ENAH: variants seen among roughly 807,000 people sequenced by gnomAD.
The protein encoded by ENAH is protein enabled homolog.
Under a neutral mutation model 78.7 loss-of-function variants are expected in ENAH, and 23 were observed. The observed-to-expected ratio is 0.29, with a 90% confidence interval of 0.21 to 0.41. The LOEUF (loss-of-function observed/expected upper bound fraction) is 0.41, where lower values mean the gene tolerates loss of function less well. ENAH is among the 10% of genes least tolerant of loss of function. The pLI is 1.00. For synonymous variants in ENAH, 226 were observed against 241.0 expected, an observed-to-expected ratio of 0.94 and a Z score of 0.58; for missense variants, 544 against 691.0, an observed-to-expected ratio of 0.79 and a Z score of 2.39.
At chr1:225,524,811 C>T (rs1476333792) in intron 4 of ENAH, 2 of 312,176 alleles carry the variant, frequency 6.4e-6, no homozygotes, top group Non-Finnish European at 9.3e-6. Flanking sequence ...ATAGGACTGA[C>T]TCATGTTTCT....
intron 1 of ENAH, among the ~76,000 whole-genome samples, chr1:225,645,295 A>G (rs929357963): frequency 2.0e-5 from 3 of 152,196 alleles, no homozygotes; most frequent in South Asian, 2.1e-4. Context: ...ATCATGGCAT[A>G]TATCGCCTTT....
chr1:225,521,266 A>G (rs1486285140), intron 4 of ENAH, among the ~76,000 whole-genome samples: 2 of 152,298 alleles, frequency 1.3e-5, no homozygotes, highest in Middle Eastern at 3.4e-3. Context: ...CAATAAGGAC[A>G]TAAATTTTGC....
Position 225,512,688 on chromosome 1 carries a change from G to C in ENAH, c.1391C>G (p.Thr464Arg). ...GTCCTCTTTTTGTTCTGTTTCTATTGTTGATCCCTTTTCAGCAATTCTTCT... is the reference window on the plus strand; with the variant it reads ...GTCCTCTTTTTGTTCTGTTTCTATTCTTGATCCCTTTTCAGCAATTCTTCT... ...RRRRIAEKGS[T>R]IETEQKEDKG... The change falls in exon 9 of 14, where the codon ACA becomes AGA. Residue 464 changes from threonine (T) to arginine (R), a missense_variant. By Grantham distance (71) the Thr-to-Arg change is moderately conservative (BLOSUM62 -1). Coordinates refer to ENST00000366843, the MANE Select transcript of ENAH (RefSeq NM_018212.6). 6.2e-7 allele frequency: 1 copy of C among 1,613,534 alleles called. No homozygotes were observed. The highest frequency in any genetic ancestry group is 8.5e-7 in the Non-Finnish European group (1 of 1,179,790).
chr1:225,499,823 AG>A (rs2096272024), intron 12 of ENAH, among the ~76,000 whole-genome samples: 2 of 152,252 alleles, frequency 1.3e-5, no homozygotes, highest in African/African-American at 4.8e-5. Context: ...TGAATACCCC[AG>A]GAAAAATTAA....
Position 225,499,529 on chromosome 1 carries a change from G to A in ENAH, c.1618-1125C>T, listed in dbSNP as rs542782013. ...TCTACAAAAACTACAAAAGTTAGCC[G>A]GGCGTGGTAGTGCACACCTGTAATC... is the stretch of plus-strand genomic sequence containing the variant. On this transcript the variant is annotated intron_variant, in intron 12 of 13. Transcript: ENST00000366843. Among the ~76,000 whole-genome samples the A allele has an allele frequency of 1.6e-4, 25 of 152,132 alleles. No homozygotes were observed. In the East Asian group the frequency reaches 4.3e-3, roughly 26 times the overall value.
intron 1 of ENAH, among the ~76,000 whole-genome samples, chr1:225,588,891 T>C (rs2096861369): frequency 6.6e-6 from 1 of 151,166 alleles, no homozygotes; most frequent in African/African-American, 2.4e-5. Context: ...TCAATTTCAA[T>C]GTTAGGTATT....
intron 1 of ENAH, chr1:225,652,271 T>C (rs1380050750): frequency 5.4e-6 from 5 of 920,448 alleles, no homozygotes; most frequent in Non-Finnish European, 6.5e-6. Context: ...ACACGAGAGT[T>C]CGGAGGCAAA....
In ENAH at chr1:225,649,426, A is replaced by G. The variant is rs188347984; in HGVS notation, c.5+3260T>C. Among the ~76,000 whole-genome samples the G allele has an allele frequency of 8.9e-3, 1,355 of 152,230 alleles. 10 individuals carry two copies. Among genetic ancestry groups the G allele is most frequent in the Non-Finnish European group, 0.014 (974 of 67,996 alleles). The stretch of plus-strand genomic sequence containing the variant: ...AAAAAAAAAAAATCTTAAGTAACAA[A>G]CCAACTAATTTTAAAAATGCACTTA... On this transcript the variant is annotated intron_variant, in intron 1 of 13. Transcript: ENST00000366843.
chr1:225,519,395 T>G lies in ENAH; in HGVS notation c.605A>C (p.Glu202Ala). 6.2e-7 allele frequency: 1 copy of G among 1,613,228 alleles called. No homozygotes were observed. ...CAGGCGTTCCTGCCGCTCCAGGCGT[T>G]CCTGCCGTTCCCGTTCTTGTCTCTC... The part of the protein sequence containing the change: ...ERERQERERQ[E>A]RLERQERLER... The change falls in exon 5 of 14, where the codon GAA becomes GCA. Residue 202 changes from glutamate (E) to alanine (A), a missense_variant. Transcript: ENST00000366843.
At chr1:225,564,042 T>C (rs906546814) in intron 2 of ENAH, among the ~76,000 whole-genome samples, 5 of 152,180 alleles carry the variant, frequency 3.3e-5, no homozygotes, top group East Asian at 1.9e-4. Context: ...TCAGTAACTA[T>C]AGTGGTATTC....
intron 1 of ENAH, among the ~76,000 whole-genome samples, chr1:225,574,294 A>T (rs2096777035): frequency 6.6e-6 from 1 of 152,162 alleles, no homozygotes; most frequent in Non-Finnish European, 1.5e-5. Context: ...AGTGGGCGAG[A>T]CCAGCTCAGT....
At chr1:225,593,810 A>AACAAGGTAGAATAC (rs2096889671) in intron 1 of ENAH, among the ~76,000 whole-genome samples, 1 of 152,236 alleles carries the variant, frequency 6.6e-6, no homozygotes, top group Admixed American at 6.5e-5. Context: ...AAAAGGTTAA[A>AACAAGGTAGAATAC]ACAAGGTAGA....
At chr1:225,576,191 C>T (rs2096786838) in intron 1 of ENAH, among the ~76,000 whole-genome samples, 1 of 150,210 alleles carries the variant, frequency 6.7e-6, no homozygotes, top group Admixed American at 6.7e-5. Flanking sequence ...GTGGGAGGAT[C>T]ACTTGAGCCA....
chr1:225,612,229 C>T (rs1027436481), intron 1 of ENAH, among the ~76,000 whole-genome samples: 7 of 152,152 alleles, frequency 4.6e-5, no homozygotes, highest in Admixed American at 1.3e-4. Context: ...TATATCCAAA[C>T]GATGGAATAT....
chr1:225,653,034 G>A lies in ENAH; in HGVS notation c.-344C>T, dbSNP rs1273569623. On this transcript the variant is annotated 5_prime_UTR_variant, in exon 1 of 14. Coordinates refer to ENST00000366843, the MANE Select transcript of ENAH (RefSeq NM_018212.6). The surrounding 1 kb of genome is among the most constrained non-coding windows in gnomAD (Gnocchi z 4.3). ...TGAGGGGTGCCCGCCGGGGCCGCGC[G>A]CCCGGCCGCCGCTCCACAGGCCCGC... is the stretch of plus-strand genomic sequence containing the variant. 2.2e-5 allele frequency: 4 copies of A among 182,780 alleles called. No homozygotes were observed. The highest frequency in any genetic ancestry group is 6.2e-5 in the Admixed American group (1 of 16,018). 11.3% of individuals were successfully genotyped at this position (182,780 alleles called of 1,614,324 possible).
upstream of ENAH, among the ~76,000 whole-genome samples, chr1:225,653,293 G>A (rs1256278692): frequency 6.6e-6 from 1 of 151,150 alleles, no homozygotes; most frequent in African/African-American, 2.4e-5. This position sits in a 1 kb window ranked among gnomAD's most constrained non-coding sequence, Gnocchi z 4.3. Context: ...CCGGGCCCCC[G>A]CCGGACTGCG....
chr1:225,522,167 T>C (rs890234132), intron 4 of ENAH, among the ~76,000 whole-genome samples: 2 of 152,204 alleles, frequency 1.3e-5, no homozygotes, highest in Non-Finnish European at 2.9e-5. Flanking sequence ...TGGGTCTAGT[T>C]AGAGACAAAG....
At chr1:225,598,531 C>T (rs1261467442) in intron 1 of ENAH, among the ~76,000 whole-genome samples, 1 of 106,206 alleles carries the variant, frequency 9.4e-6, no homozygotes, top group Non-Finnish European at 2.4e-5. Flanking sequence ...AAGATAGTAA[C>T]ATTACTGAGT....
At chr1:225,566,255 G>T (rs1015982569) in intron 2 of ENAH, among the ~76,000 whole-genome samples, 2 of 149,646 alleles carry the variant, frequency 1.3e-5, no homozygotes, top group African/African-American at 2.4e-5. Context: ...TAGTTTTTTT[G>T]TGTGTTTTTT....
Sources: gnomAD v4.1 joint callset for allele counts (sites outside exome capture counted in the v4.1 genomes callset) on GRCh38, gnomAD v4.1.1 for gene constraint, Gnocchi (gnomAD v3.1) non-coding constraint, MANE v1.5 for transcripts, NCBI Gene and HGNC (gene_info 2026-07-23, HGNC 2026-07-21) for gene names.